Variants in CABIN1 observed in about 807,000 individuals in gnomAD.
The protein encoded by CABIN1 is calcineurin-binding protein cabin-1.
CABIN1 carries 133 observed loss-of-function variants against 227.7 expected under a neutral mutation model. The ratio of observed to expected loss-of-function variants is 0.58; its 90% confidence interval spans 0.51 to 0.67. The LOEUF (loss-of-function observed/expected upper bound fraction) is 0.67, where lower values mean the gene tolerates loss of function less well. Among genes scored for constraint, CABIN1 ranks in the 30% least tolerant of loss-of-function variants. The pLI is 0.00. For missense variants in CABIN1, 2,408 were observed against 2,852.5 expected (o/e 0.84, Z 3.55); for synonymous variants, 1,086 against 1,155.1 (o/e 0.94, Z 1.21).
In CABIN1 at chr22:24,042,979, C is replaced by G. The variant is rs764006425; in HGVS notation, c.421C>G (p.Pro141Ala). 1.9e-6 allele frequency: 3 copies of G among 1,613,860 alleles called. No homozygotes were observed. Among genetic ancestry groups the G allele is most frequent in the Non-Finnish European group, 1.7e-6 (2 of 1,179,986 alleles). The change falls in exon 6 of 37, where the codon CCC becomes GCC. Residue 141 changes from proline (P) to alanine (A), a missense_variant. By Grantham distance (27) the Pro-to-Ala change is conservative. This residue lies in a region of CABIN1 where 1,045 missense variants were observed against 1,168.4 expected (regional missense o/e 0.89). Coordinates refer to ENST00000263119, the MANE Select transcript of CABIN1 (RefSeq NM_012295.4). ...TGTGGCCCTGAGGCTCATCCGGATC[C>G]CCCTGGCTCGCCATGCTTTTGAGGA... ...GHVALRLIRIPLARHAFEEGL... is the reference protein window; with the variant it reads ...GHVALRLIRIALARHAFEEGL...
rs758446053 is a variant in CABIN1, at chr22:24,177,726, A to G, written c.6428A>G (p.Lys2143Arg). Residue 2143 changes from lysine to arginine, a missense_variant, in exon 36 of 37, where the codon AAG (lysine) becomes AGG (arginine). This residue lies in a region of CABIN1 where 714 missense variants were observed against 773.8 expected (regional missense o/e 0.92). Coordinates refer to ENST00000263119, the MANE Select transcript of CABIN1 (RefSeq NM_012295.4). The surrounding 1 kb of genome is among the most constrained non-coding windows in gnomAD (Gnocchi z 4.4). Reference protein sequence around the residue: ...PKLVIPSAATKFPPEITVTPP... With the variant: ...PKLVIPSAATRFPPEITVTPP... ...CTGGTCATCCCCTCCGCCGCCACCA[A>G]GTTCCCCCCTGAGATCACCGTCACG... 6.8e-6 allele frequency: 11 copies of G among 1,612,772 alleles called. No individual in the cohort carries two copies. The highest frequency in any genetic ancestry group is 2.2e-5 in the East Asian group (1 of 44,842).
At chr22:24,036,228 T>C (rs1236023921) in intron 3 of CABIN1, 47 bp downstream of exon 3, 5 of 1,310,086 alleles carry the variant, frequency 3.8e-6, no homozygotes, top group Non-Finnish European at 5.5e-6. Flanking sequence ...CTCATTTCTA[T>C]AGAGGGAACC....
intron 7 of CABIN1, among the ~76,000 whole-genome samples, chr22:24,049,747 C>G (rs188559454): frequency 6.6e-6 from 1 of 152,180 alleles, no homozygotes; most frequent in Non-Finnish European, 1.5e-5. Context: ...CCCCAAGTCC[C>G]TTGCAGTTTC....
Position 24,084,609 on chromosome 22 carries a change from A to C in CABIN1, c.2941A>C (p.Met981Leu). 1 of 1,613,816 alleles carries C rather than the reference A, an allele frequency of 6.2e-7. No individual in the cohort carries two copies. The highest frequency in any genetic ancestry group is 1.1e-5 in the South Asian group (1 of 91,068). ...VDLIWEDALF[M>L]FEYFKPKTLP... ...TCTTATATGGGAGGATGCACTGTTCATGTTTGAGTATTTTAAGCCCAAGAC... is the reference window on the plus strand; with the variant it reads ...TCTTATATGGGAGGATGCACTGTTCCTGTTTGAGTATTTTAAGCCCAAGAC... Residue 981 changes from methionine to leucine, a missense_variant, in exon 21 of 37, where the codon ATG (methionine) becomes CTG (leucine). Coordinates refer to ENST00000263119, the MANE Select transcript of CABIN1 (RefSeq NM_012295.4).
intron 28 of CABIN1, among the ~76,000 whole-genome samples, chr22:24,126,358 A>T (rs1227041981): frequency 6.6e-6 from 1 of 152,222 alleles, no homozygotes; most frequent in Non-Finnish European, 1.5e-5. Flanking sequence ...TGTCTAAGCA[A>T]GGACCTGAAT....
chr22:24,110,769 T>C (rs2042765368), intron 26 of CABIN1, among the ~76,000 whole-genome samples: 1 of 152,224 alleles, frequency 6.6e-6, no homozygotes, highest in Non-Finnish European at 1.5e-5. Context: ...GCTGTAATTC[T>C]TAACTTTGTC....
intron 16 of CABIN1, among the ~76,000 whole-genome samples, chr22:24,067,616 ATG>A (rs1262280488): frequency 3.9e-5 from 6 of 152,250 alleles, no homozygotes; most frequent in Non-Finnish European, 7.3e-5. Context: ...CACTAGCCTT[ATG>A]TTTGAAACCT....
chr22:24,058,977 G>A (rs2039000002), intron 10 of CABIN1, among the ~76,000 whole-genome samples: 1 of 152,228 alleles, frequency 6.6e-6, no homozygotes, highest in Admixed American at 6.5e-5. Context: ...ACAGTGCCTG[G>A]CACATAGCTG....
intron 28 of CABIN1, among the ~76,000 whole-genome samples, chr22:24,132,105 G>A (rs891400995): frequency 6.6e-6 from 1 of 150,708 alleles, no homozygotes; most frequent in African/African-American, 2.4e-5. Flanking sequence ...TCACCTTCTT[G>A]AGTCCACCTA....
At position 24,037,259 on chromosome 22, in the gene CABIN1, C is replaced by CAA. The variant is rs71184942; in HGVS notation, c.97-1071_97-1070dup. 4.2e-3 allele frequency among the ~76,000 whole-genome samples: 222 copies of CAA among 52,560 alleles called. 2 individuals carry two copies. The highest frequency in any genetic ancestry group is 0.034 in the South Asian group (52 of 1,544). The allele number at this position is 52,560 out of a possible 152,430, so 34.5% of individuals were successfully genotyped here. Reference sequence around the variant, plus strand: ...TGGGCGACAGAGTGAGACCCCGTCTCAAAAAAAAAAAAAAAAAAAGAAAAG... The same window carrying CAA: ...TGGGCGACAGAGTGAGACCCCGTCTCAAAAAAAAAAAAAAAAAAAAAGAAAAG... On this transcript the variant is annotated intron_variant, in intron 3 of 36. Transcript: ENST00000263119.
intron 18 of CABIN1, 130 bp from the exon 19 acceptor site, chr22:24,076,035 AAGGG>A: frequency 3.0e-6 from 2 of 658,164 alleles, no homozygotes; most frequent in Admixed American, 2.7e-5. Flanking sequence ...AAAAAAAAAA[AAGGG>A]AAAGGAAAAG....
At chr22:24,035,016 C>T (rs1228691000) in intron 1 of CABIN1, among the ~76,000 whole-genome samples, 1 of 152,210 alleles carries the variant, frequency 6.6e-6, no homozygotes, top group Non-Finnish European at 1.5e-5. Flanking sequence ...CTCTTTGCTT[C>T]ACTGTCTTCC....
intron 33 of CABIN1, among the ~76,000 whole-genome samples, chr22:24,169,823 G>A (rs567373642): frequency 6.6e-6 from 1 of 152,342 alleles, no homozygotes; most frequent in African/African-American, 2.4e-5. Context: ...ACCCCACACT[G>A]TAGCGTGAGA....
chr22:24,128,107 G>A (rs1481849611), intron 28 of CABIN1, among the ~76,000 whole-genome samples: 1 of 152,096 alleles, frequency 6.6e-6, no homozygotes, highest in Non-Finnish European at 1.5e-5. Context: ...CTATTGCCAT[G>A]AGTCTCCCTC....
chr22:24,035,950 C>T, intron 2 of CABIN1, 139 bp from the exon 3 acceptor site: 1 of 569,442 alleles, frequency 1.8e-6, no homozygotes, highest in Non-Finnish European at 3.3e-6. Context: ...TTGTTCATTC[C>T]CCACATCTGA....
intron 27 of CABIN1, among the ~76,000 whole-genome samples, chr22:24,114,060 TG>T (rs2042951305): frequency 6.1e-5 from 5 of 82,122 alleles, no homozygotes; most frequent in African/African-American, 3.5e-4. Context: ...GCTCTGTTTT[TG>T]TTGTTGTTGT....
At chr22:24,064,633 C>T (rs2039469012) in intron 15 of CABIN1, among the ~76,000 whole-genome samples, 1 of 146,048 alleles carries the variant, frequency 6.8e-6, no homozygotes, top group South Asian at 2.2e-4. Context: ...GAACAAAGGT[C>T]TCTGGTTTTC....
At chr22:24,120,658 C>G (rs1443468771) in intron 28 of CABIN1, among the ~76,000 whole-genome samples, 1 of 151,956 alleles carries the variant, frequency 6.6e-6, no homozygotes, top group Non-Finnish European at 1.5e-5. Flanking sequence ...ACTAAAAATA[C>G]AAAAGTTAGC....
intron 24 of CABIN1, among the ~76,000 whole-genome samples, chr22:24,094,818 C>A: frequency 8.0e-6 from 1 of 125,110 alleles, no homozygotes. Flanking sequence ...AGCGAGACTC[C>A]GTCTCAAAAA....
Sources: allele counts gnomAD v4.1 joint callset (sites outside exome capture counted in the v4.1 genomes callset), GRCh38; gene constraint gnomAD v4.1.1; regional missense constraint gnomAD v4.1.1; non-coding constraint Gnocchi (gnomAD v3.1); transcripts MANE v1.5; gene names NCBI Gene and HGNC (gene_info 2026-07-23, HGNC 2026-07-21).